The following GNAQ variants were observed in gnomAD, a reference collection of about 807,000 sequenced individuals.
GNAQ encodes guanine nucleotide-binding protein G(q) subunit alpha.
Under a neutral mutation model 43.9 loss-of-function variants are expected in GNAQ, and 8 were observed. That is an observed-to-expected ratio of 0.18 (90% CI 0.11 to 0.33). GNAQ has a LOEUF of 0.33. Ranked by LOEUF, GNAQ falls within the 10% of genes least tolerant of loss-of-function variation. The probability of loss-of-function intolerance (pLI) is 1.00; values close to 1 mark genes in which losing one functional copy is unlikely to be tolerated. For missense variants in GNAQ, 158 were observed against 450.8 expected (o/e 0.35, Z 5.88); for synonymous variants, 155 against 170.7 (o/e 0.91, Z 0.71).
intron 2 of GNAQ, among the ~76,000 whole-genome samples, chr9:77,821,043 G>T (rs943568395): frequency 2.6e-5 from 4 of 152,160 alleles, no homozygotes; most frequent in African/African-American, 9.7e-5. Context: ...GAAAAATAGA[G>T]AATGTATGTT....
intron 2 of GNAQ, among the ~76,000 whole-genome samples, chr9:77,831,281 A>G (rs966617721): frequency 6.6e-6 from 1 of 152,218 alleles, no homozygotes; most frequent in African/African-American, 2.4e-5. Context: ...ATCACATAGA[A>G]TTTTAAGAAA....
intron 2 of GNAQ, among the ~76,000 whole-genome samples, chr9:77,827,250 G>A (rs186998645): frequency 3.6e-4 from 55 of 151,402 alleles, no homozygotes; most frequent in Non-Finnish European, 6.5e-4. Context: ...ATACATGTGC[G>A]TGAAGACTTT....
At chr9:77,888,748 A>C (rs1296937224) in intron 2 of GNAQ, among the ~76,000 whole-genome samples, 1 of 152,166 alleles carries the variant, frequency 6.6e-6, no homozygotes, top group East Asian at 1.9e-4. Flanking sequence ...GAGAAAGATG[A>C]GGAAAATAAT....
intron 2 of GNAQ, among the ~76,000 whole-genome samples, chr9:77,889,739 A>T (rs1178550653): frequency 6.6e-6 from 1 of 152,172 alleles, no homozygotes; most frequent in Non-Finnish European, 1.5e-5. Flanking sequence ...GTATTCAATT[A>T]GTATGCTTCT....
intron 1 of GNAQ, among the ~76,000 whole-genome samples, chr9:78,019,443 T>C (rs373703679): frequency 2.6e-5 from 4 of 152,248 alleles, no homozygotes; most frequent in Non-Finnish European, 5.9e-5. Context: ...CAATAGGAGA[T>C]AGTGCTTGCC....
At chr9:77,968,938 G>C (rs1376005073) in intron 1 of GNAQ, among the ~76,000 whole-genome samples, 4 of 152,234 alleles carry the variant, frequency 2.6e-5, no homozygotes, top group South Asian at 4.1e-4. Context: ...ATGCACCCAG[G>C]TGAGGGCACC....
At chr9:77,795,740 A>G (rs1327988147) in intron 4 of GNAQ, among the ~76,000 whole-genome samples, 1 of 152,196 alleles carries the variant, frequency 6.6e-6, no homozygotes, top group Non-Finnish European at 1.5e-5. Context: ...CCCTAATGCC[A>G]AGGTGTGAAT....
At position 77,792,433 on chromosome 9, in the gene GNAQ, A is replaced by G. The variant is rs77869130; in HGVS notation, c.735+2030T>C. Among the ~76,000 whole-genome samples, 1,520 of 152,280 alleles carry G rather than the reference A, an allele frequency of 1.0e-2. 29 individuals are homozygous for G. Among genetic ancestry groups the G allele is most frequent in the African/African-American group, 0.034 (1,434 of 41,584 alleles). On this transcript the variant is annotated intron_variant, in intron 5 of 6. Transcript: ENST00000286548. ...ACTGTGGGAACTTTAATTATGACAC[A>G]TGATAATAAAAACGATGCCATTTTA... is the stretch of plus-strand genomic sequence containing the variant.
intron 2 of GNAQ, among the ~76,000 whole-genome samples, chr9:77,870,623 C>T (rs1162715671): frequency 4.0e-5 from 6 of 151,884 alleles, no homozygotes; most frequent in African/African-American, 1.2e-4. Context: ...CCGCGCCCCG[C>T]CTTTGGTGCT....
chr9:78,021,747 T>C (rs1009724915), intron 1 of GNAQ, among the ~76,000 whole-genome samples: 2 of 152,340 alleles, frequency 1.3e-5, no homozygotes, highest in Non-Finnish European at 1.5e-5. Flanking sequence ...AGCAATGTTG[T>C]GTTTGGCTTC....
chr9:77,800,194 A>C (rs1343746527), intron 3 of GNAQ, among the ~76,000 whole-genome samples: 4 of 151,730 alleles, frequency 2.6e-5, no homozygotes, highest in Non-Finnish European at 5.9e-5. Flanking sequence ...AACTAGAAAT[A>C]CCATTTGACC....
chr9:78,004,352 T>C (rs1379555549), intron 1 of GNAQ, among the ~76,000 whole-genome samples: 1 of 151,756 alleles, frequency 6.6e-6, no homozygotes, highest in Non-Finnish European at 1.5e-5. Flanking sequence ...ATTTACAGCA[T>C]CACCATTCTC....
intron 2 of GNAQ, among the ~76,000 whole-genome samples, chr9:77,853,795 A>AAC (rs1827709714): frequency 6.6e-6 from 1 of 151,034 alleles, no homozygotes; most frequent in Admixed American, 6.6e-5. Flanking sequence ...AAAAAAAAAA[A>AAC]AAAAACCCAC....
chr9:77,817,285 C>G (rs1271958482), intron 2 of GNAQ, among the ~76,000 whole-genome samples: 1 of 152,188 alleles, frequency 6.6e-6, no homozygotes, highest in Non-Finnish European at 1.5e-5. Flanking sequence ...GTCTTTCTCT[C>G]TAATCATGGT....
At chr9:77,993,950 T>C (rs1823538522) in intron 1 of GNAQ, among the ~76,000 whole-genome samples, 2 of 152,090 alleles carry the variant, frequency 1.3e-5, no homozygotes, top group South Asian at 2.1e-4. Context: ...TGAAAAACCA[T>C]CTCATAATTT....
At chr9:77,935,231 T>C (rs1007018641) in intron 1 of GNAQ, among the ~76,000 whole-genome samples, 1 of 152,196 alleles carries the variant, frequency 6.6e-6, no homozygotes, top group African/African-American at 2.4e-5. Flanking sequence ...CTCTGCATTG[T>C]TCACATTTTA....
intron 1 of GNAQ, among the ~76,000 whole-genome samples, chr9:78,020,634 G>T (rs1286222625): frequency 1.3e-5 from 2 of 152,136 alleles, no homozygotes; most frequent in Admixed American, 1.3e-4. Flanking sequence ...CTTCCTGATT[G>T]AGAACATCAA....
At chr9:77,742,135 C>T (rs1825662047) in intron 5 of GNAQ, among the ~76,000 whole-genome samples, 1 of 152,176 alleles carries the variant, frequency 6.6e-6, no homozygotes, top group Admixed American at 6.5e-5. Context: ...CGTTGACTTA[C>T]TTGTAGGTAC....
chr9:77,943,571 A>T (rs1829344382), intron 1 of GNAQ, among the ~76,000 whole-genome samples: 1 of 151,986 alleles, frequency 6.6e-6, no homozygotes, highest in Non-Finnish European at 1.5e-5. Context: ...ATGCACATTC[A>T]TGTGAGACCA....
Sources: allele counts gnomAD v4.1 joint callset (sites outside exome capture counted in the v4.1 genomes callset), GRCh38; gene constraint gnomAD v4.1.1; transcripts MANE v1.5; gene names NCBI Gene and HGNC (gene_info 2026-07-23, HGNC 2026-07-21).